Variants in ATP9A observed in about 807,000 individuals in gnomAD.
The protein encoded by ATP9A is ATPase phospholipid transporting 9A, also known as probable phospholipid-transporting ATPase IIA.
Under a neutral mutation model 144.1 loss-of-function variants are expected in ATP9A, and 52 were observed. The observed-to-expected ratio is 0.36, with a 90% CI of 0.29 to 0.45. The LOEUF (loss-of-function observed/expected upper bound fraction) is 0.45. Among genes scored for constraint, ATP9A ranks in the 20% least tolerant of loss-of-function variants. The pLI is 1.00. For synonymous variants in ATP9A, 582 were observed against 557.4 expected (o/e 1.04, Z -0.62); for missense variants, 947 against 1,392.7 (o/e 0.68, Z 5.09).
chr20:51,734,927 T>C (rs189125108), intron 1 of ATP9A: 37 of 213,798 alleles, frequency 1.7e-4, no homozygotes, highest in African/African-American at 7.8e-4. Flanking sequence ...TTGGGACGCA[T>C]GCTCATGCCC....
At chr20:51,679,064 C>T (rs2077489310) in intron 9 of ATP9A, among the ~76,000 whole-genome samples, 1 of 152,198 alleles carries the variant, frequency 6.6e-6, no homozygotes, top group South Asian at 2.1e-4. Context: ...TGGCTCATGC[C>T]TGTAATCCCA....
intron 14 of ATP9A, among the ~76,000 whole-genome samples, chr20:51,653,182 C>A (rs201227551): frequency 3.4e-5 from 5 of 146,336 alleles, no homozygotes; most frequent in African/African-American, 1.3e-4. Context: ...GAAAGTAGTT[C>A]TTTTTTTTTT....
chr20:51,603,408 T>C (rs1416324159), intron 27 of ATP9A, among the ~76,000 whole-genome samples: 1 of 151,962 alleles, frequency 6.6e-6, no homozygotes, highest in East Asian at 1.9e-4. Flanking sequence ...ACACAGAAAA[T>C]GCTGGATCAT....
chr20:51,639,438 G>A lies in ATP9A; in HGVS notation c.1573C>T (p.Gln525Ter). Residue 525 changes from glutamine (Q) to a stop codon, truncating the protein, a stop_gained, in exon 15 of 28, where the codon CAG (glutamine) becomes TAG (stop). Transcript: ENST00000338821. LOFTEE classifies it high-confidence loss of function. Reference protein sequence around the residue: ...TLVGRDQSSMQLRTPGDQILN... With the variant: ...TLVGRDQSSM ...ATCTGGTCGCCAGGGGTCCTCAGCT[G>A]CATGGAAGACTGGTCTCGGCCCACC... The A allele has an allele frequency of 1.2e-6, 2 of 1,614,044 alleles. No homozygotes were observed. The highest frequency in any genetic ancestry group is 1.7e-6 in the Non-Finnish European group (2 of 1,179,942).
intron 3 of ATP9A, among the ~76,000 whole-genome samples, 165 bp from the exon 4 acceptor site, chr20:51,713,239 C>T (rs2077647816): frequency 6.6e-6 from 1 of 152,178 alleles, no homozygotes; most frequent in African/African-American, 2.4e-5. Context: ...CAAGCCCCCT[C>T]TCTGAATCTG....
At chr20:51,646,826 G>A (rs1211335336) in intron 14 of ATP9A, among the ~76,000 whole-genome samples, 1 of 152,098 alleles carries the variant, frequency 6.6e-6, no homozygotes, top group African/African-American at 2.4e-5. Context: ...GGCATAAAAG[G>A]TCACTTCTTG....
intron 3 of ATP9A, among the ~76,000 whole-genome samples, chr20:51,723,178 C>CT (rs1424739712): frequency 6.6e-6 from 1 of 152,070 alleles, no homozygotes; most frequent in African/African-American, 2.4e-5. Context: ...TATGTTTTCA[C>CT]TAATATGTGG....
chr20:51,653,233 C>T (rs1337279968), intron 14 of ATP9A, among the ~76,000 whole-genome samples: 3 of 150,740 alleles, frequency 2.0e-5, no homozygotes, highest in African/African-American at 7.3e-5. Context: ...CAAGACAAAT[C>T]TGATTTCAAG....
At chr20:51,639,212 T>G in intron 15 of ATP9A, 131 bp downstream of exon 15, 1 of 1,033,690 alleles carries the variant, frequency 9.7e-7, no homozygotes, top group Non-Finnish European at 1.4e-6. Context: ...GCTTAGGGAA[T>G]TATATTCCCT....
rs2077140562 is a variant in ATP9A at position 51,601,053 on chromosome 20, C to T, written c.*158G>A. ...AGGACCCTCCCTCCCGTTGATGCAG[C>T]GTTAGGACTCCGTTTAGGCGCAGAG... On this transcript the variant is annotated 3_prime_UTR_variant, in exon 28 of 28. Transcript: ENST00000338821. The T allele has an allele frequency of 5.7e-6, 5 of 881,066 alleles. No individual in the cohort carries two copies. Among genetic ancestry groups the T allele is most frequent in the Admixed American group, 3.3e-5 (1 of 30,752 alleles). The allele number at this position is 881,066 out of a possible 1,614,324, so 54.6% of individuals were successfully genotyped here. A position where few individuals can be genotyped will look rare whatever the true frequency, so the allele number is the denominator to read the frequency against.
rs535162247 is a variant in ATP9A, at chr20:51,663,565, C to T, written c.1294-6415G>A. On this transcript the variant is annotated intron_variant, in intron 13 of 27. Coordinates refer to ENST00000338821, the MANE Select transcript of ATP9A (RefSeq NM_006045.3). ...ATCCCAGCACTTTGGGAGGCTGAGGCGGGCGGATCACGAGGTCAGGAGATC... is the reference window on the plus strand; with the variant it reads ...ATCCCAGCACTTTGGGAGGCTGAGGTGGGCGGATCACGAGGTCAGGAGATC... Among the ~76,000 whole-genome samples the T allele has an allele frequency of 9.9e-5, 15 of 152,064 alleles. No individual in the cohort carries two copies. The East Asian group carries it at 1.4e-3, about 14-fold the overall frequency.
chr20:51,625,418 C>G, intron 17 of ATP9A, 56 bp from the exon 18 acceptor site: 1 of 1,555,086 alleles, frequency 6.4e-7, no homozygotes, highest in Non-Finnish European at 8.7e-7. Context: ...GCCAGGCTGA[C>G]TGGCCAGTGC....
chr20:51,659,390 G>A (rs1268230666), intron 13 of ATP9A, among the ~76,000 whole-genome samples: 2 of 152,228 alleles, frequency 1.3e-5, no homozygotes, highest in East Asian at 3.8e-4. Context: ...GTATGTAACA[G>A]ATATTTGCTG....
At position 51,668,792 on chromosome 20, in the gene ATP9A, T is replaced by G. The variant is rs116977536; in HGVS notation, c.1293+1205A>C. On this transcript the variant is annotated intron_variant, in intron 13 of 27. Coordinates refer to ENST00000338821, the MANE Select transcript of ATP9A (RefSeq NM_006045.3). ...AGATGATGACAAGAACTGTGTCAAG[T>G]CAGCTGTTCTAACTTAACATCCACT... is the stretch of plus-strand genomic sequence containing the variant. 4.9e-4 allele frequency among the ~76,000 whole-genome samples: 75 copies of G among 152,284 alleles called. 1 individual carries two copies. The highest frequency in any genetic ancestry group is 8.8e-4 in the Non-Finnish European group (60 of 68,018).
At chr20:51,701,484 T>A (rs1012251283) in intron 4 of ATP9A, among the ~76,000 whole-genome samples, 5 of 152,240 alleles carry the variant, frequency 3.3e-5, no homozygotes, top group African/African-American at 1.2e-4. Context: ...TGATTTATGA[T>A]CCATTCATTT....
At chr20:51,613,645 C>T (rs1448211489) in intron 23 of ATP9A, 32 bp downstream of exon 23, 4 of 1,596,164 alleles carry the variant, frequency 2.5e-6, no homozygotes, top group Non-Finnish European at 3.4e-6. Context: ...TAGCCACAGG[C>T]ACATGTGCAG....
At chr20:51,682,379 C>T (rs1447386331) in intron 9 of ATP9A, among the ~76,000 whole-genome samples, 7 of 151,976 alleles carry the variant, frequency 4.6e-5, no homozygotes, top group Non-Finnish European at 7.4e-5. Flanking sequence ...GTCCTATTCA[C>T]GTGGCTGTCT....
intron 3 of ATP9A, among the ~76,000 whole-genome samples, chr20:51,717,523 G>T (rs771477857): frequency 2.0e-5 from 3 of 152,154 alleles, no homozygotes; most frequent in African/African-American, 2.4e-5. Context: ...CCAACTGCTG[G>T]AGGTGCCAAA....
chr20:51,744,347 G>A (rs1032602745), intron 1 of ATP9A, among the ~76,000 whole-genome samples: 2 of 152,020 alleles, frequency 1.3e-5, no homozygotes, highest in African/African-American at 4.8e-5. Flanking sequence ...TGTATTTTTA[G>A]TAGAGATGGG....
Sources: allele counts gnomAD v4.1 joint callset (sites outside exome capture counted in the v4.1 genomes callset), GRCh38; gene constraint gnomAD v4.1.1; transcripts MANE v1.5; gene names NCBI Gene and HGNC (gene_info 2026-07-23, HGNC 2026-07-21).